Variants in EDA observed in about 807,000 individuals in gnomAD.
The protein encoded by EDA is ectodysplasin-A.
Under a neutral mutation model 23.6 loss-of-function variants are expected in EDA, and 2 were observed. The observed-to-expected ratio is 0.08, with a 90% CI of 0.03 to 0.27. The LOEUF is 0.27. Among genes scored for constraint, EDA ranks in the 10% least tolerant of loss-of-function variants. The probability of loss-of-function intolerance (pLI) is 1.00; values close to 1 mark genes in which losing one functional copy is unlikely to be tolerated. For missense variants in EDA, 229 were observed against 324.2 expected, an observed-to-expected ratio of 0.71 and a Z score of 2.26; for synonymous variants, 131 against 132.0, an observed-to-expected ratio of 0.99 and a Z score of 0.05.
intron 4 of EDA, 93 bp downstream of exon 4, chrX:70,028,129 G>A (rs192229341): frequency 1.7e-6 from 2 of 1,143,893 alleles, no homozygotes; most frequent in Admixed American, 2.8e-5. Context: ...TCAAACGGTG[G>A]AGATGGGGTT....
At chrX:69,801,744 TA>T (rs2015691425) in intron 1 of EDA, among the ~76,000 whole-genome samples, 1 of 111,744 alleles carries the variant, frequency 8.9e-6, no homozygotes, top group Non-Finnish European at 1.9e-5. Flanking sequence ...CTAATAAACA[TA>T]AAAAGATTAT....
At chrX:69,782,353 C>T (rs1379649316) in intron 1 of EDA, among the ~76,000 whole-genome samples, 1 of 52,850 alleles carries the variant, frequency 1.9e-5, no homozygotes, top group Non-Finnish European at 3.1e-5. Context: ...AGACAAATAA[C>T]ATTAAATGCT....
chrX:69,684,720 C>T (rs758722070), intron 1 of EDA, among the ~76,000 whole-genome samples: 8 of 112,591 alleles, frequency 7.1e-5, no homozygotes, highest in Non-Finnish European at 1.3e-4. Context: ...ATTCACACTA[C>T]ATTTATAAAA....
intron 1 of EDA, among the ~76,000 whole-genome samples, chrX:69,923,361 C>A (rs2018464390): frequency 9.0e-6 from 1 of 110,554 alleles, no homozygotes; most frequent in South Asian, 4.0e-4. Flanking sequence ...TATTGTTCAA[C>A]TCCCACTTAT....
chrX:70,027,891 T>A lies in EDA; in HGVS notation c.561T>A (p.Pro187=). The A allele has an allele frequency of 9.1e-7, 1 of 1,094,613 alleles. No individual in the cohort carries two copies. The highest frequency in any genetic ancestry group is 1.2e-6 in the Non-Finnish European group (1 of 802,873). 90.2% of individuals were successfully genotyped at this position (1,094,613 alleles called of 1,213,427 possible). ...KKAGPPGPNG[P]PGPPGPPGPQ... ...CAGGACCTCCTGGACCCAATGGCCCTCCAGGACCCCCAGGACCTCCAGGAC... is the reference window on the plus strand; with the variant it reads ...CAGGACCTCCTGGACCCAATGGCCCACCAGGACCCCCAGGACCTCCAGGAC... Residue 187 remains proline, a synonymous_variant, in exon 4 of 8, where the codon CCT becomes CCA. Coordinates refer to ENST00000374552, the MANE Select transcript of EDA (RefSeq NM_001399.5).
chrX:69,831,796 G>C (rs1279527187), intron 1 of EDA, among the ~76,000 whole-genome samples: 1 of 112,703 alleles, frequency 8.9e-6, no homozygotes, highest in Non-Finnish European at 1.9e-5. Flanking sequence ...TGACCATGAT[G>C]ATGAGCATTT....
intron 1 of EDA, among the ~76,000 whole-genome samples, chrX:69,899,542 GTT>G (rs1351645415): frequency 1.0e-3 from 113 of 110,170 alleles, no homozygotes; most frequent in African/African-American, 3.6e-3. Context: ...GTGTGTGTGT[GTT>G]TGTGTGCGTG....
chrX:69,947,989 T>A (rs768294105), intron 1 of EDA, among the ~76,000 whole-genome samples: 126 of 112,191 alleles, frequency 1.1e-3, no homozygotes, highest in Non-Finnish European at 1.5e-3. Flanking sequence ...TTAAATAGAT[T>A]TCACCCTGTC....
At chrX:70,001,375 T>C (rs1008963002) in intron 2 of EDA, among the ~76,000 whole-genome samples, 1 of 95,088 alleles carries the variant, frequency 1.1e-5, no homozygotes, top group Non-Finnish European at 2.1e-5. Flanking sequence ...GTTCTCAATG[T>C]AATCGCTGTT....
chrX:69,899,674 T>C (rs931722270), intron 1 of EDA, among the ~76,000 whole-genome samples: 1 of 111,620 alleles, frequency 9.0e-6, no homozygotes, highest in Non-Finnish European at 1.9e-5. Context: ...CATACAATTA[T>C]ATATCACTTT....
intron 1 of EDA, among the ~76,000 whole-genome samples, chrX:69,801,099 G>A (rs948467483): frequency 8.9e-6 from 1 of 111,959 alleles, no homozygotes; most frequent in Non-Finnish European, 1.9e-5. Context: ...TTTAATATTA[G>A]TGTGTTGAAA....
intron 1 of EDA, among the ~76,000 whole-genome samples, chrX:69,818,276 C>T (rs889400034): frequency 1.1e-4 from 12 of 111,094 alleles, no homozygotes; most frequent in Admixed American, 6.8e-4. Context: ...TCAGAAAGAT[C>T]TCAAGTTAGC....
At position 69,788,458 on chromosome X, in the gene EDA, A is replaced by T. The variant is rs780192542; in HGVS notation, c.397-168569A>T. ...TTGGTCTTTGATGATGGTGATGTACAGATGGGTTTTTGGTGTGGCTGTCCT... is the reference window on the plus strand; with the variant it reads ...TTGGTCTTTGATGATGGTGATGTACTGATGGGTTTTTGGTGTGGCTGTCCT... On this transcript the variant is annotated intron_variant, in intron 1 of 7. Coordinates refer to ENST00000374552, the MANE Select transcript of EDA (RefSeq NM_001399.5). 6.4e-3 allele frequency among the ~76,000 whole-genome samples: 712 copies of T among 111,928 alleles called. 2 individuals carry two copies. Among genetic ancestry groups the T allele is most frequent in the South Asian group, 0.026 (69 of 2,660 alleles).
intron 1 of EDA, among the ~76,000 whole-genome samples, chrX:69,742,709 G>T (rs1019765632): frequency 2.7e-5 from 3 of 110,626 alleles, no homozygotes; most frequent in Non-Finnish European, 5.7e-5. Context: ...ATGCAGATTT[G>T]GTAATCAGCC....
intron 1 of EDA, among the ~76,000 whole-genome samples, chrX:69,738,705 C>T (rs1252561325): frequency 2.7e-5 from 3 of 109,271 alleles, no homozygotes; most frequent in Non-Finnish European, 5.7e-5. Context: ...TTATTCATCT[C>T]AAAATATTTT....
At chrX:69,899,023 T>C (rs931665999) in intron 1 of EDA, among the ~76,000 whole-genome samples, 24 of 112,310 alleles carry the variant, frequency 2.1e-4, no homozygotes, top group African/African-American at 7.1e-4. Flanking sequence ...TTAAGTGTCA[T>C]CTTCTATGAA....
chrX:69,798,074 A>G (rs2015585396), intron 1 of EDA, among the ~76,000 whole-genome samples: 1 of 111,610 alleles, frequency 9.0e-6, no homozygotes, highest in Non-Finnish European at 1.9e-5. Context: ...AAAAAAGGCA[A>G]AGTCACTATA....
chrX:70,009,833 C>T (rs2019852085), intron 2 of EDA, among the ~76,000 whole-genome samples: 1 of 111,588 alleles, frequency 9.0e-6, no homozygotes, highest in Non-Finnish European at 1.9e-5. Context: ...GTGATCTGCC[C>T]GTCTCAGCTT....
chrX:69,849,821 T>A (rs1456862549), intron 1 of EDA, among the ~76,000 whole-genome samples: 3 of 111,914 alleles, frequency 2.7e-5, no homozygotes, highest in Non-Finnish European at 3.8e-5. Flanking sequence ...GTTGTAGCAA[T>A]ACATTGACCT....
Sources: gnomAD v4.1 joint callset for allele counts (sites outside exome capture counted in the v4.1 genomes callset) on GRCh38, gnomAD v4.1.1 for gene constraint, MANE v1.5 for transcripts, NCBI Gene and HGNC (gene_info 2026-07-23, HGNC 2026-07-21) for gene names.